Variants in KCNH5 observed in about 807,000 individuals in gnomAD.
KCNH5 encodes the protein voltage-gated delayed rectifier potassium channel KCNH5.
In KCNH5, 46 loss-of-function variants were observed where a neutral mutation model predicts 96.1. That is an observed-to-expected ratio of 0.48 (90% CI 0.38 to 0.61). The LOEUF is 0.61. KCNH5 is among the 20% of genes least tolerant of loss of function. The pLI is 0.00. For missense variants in KCNH5, 907 were observed against 1,225.8 expected, an observed-to-expected ratio of 0.74 and a Z score of 3.88; for synonymous variants, 439 against 449.8, an observed-to-expected ratio of 0.98 and a Z score of 0.30.
chr14:62,865,721 C>T (rs756475463), intron 7 of KCNH5, among the ~76,000 whole-genome samples: 6 of 152,054 alleles, frequency 3.9e-5, no homozygotes, highest in Non-Finnish European at 7.4e-5. Flanking sequence ...TTTTGACTGC[C>T]CTACATAAAG....
chr14:62,831,128 T>C lies in KCNH5; in HGVS notation c.1569+18525A>G, dbSNP rs1887339549. Among the ~76,000 whole-genome samples the C allele has an allele frequency of 2.0e-5, 3 of 152,312 alleles. No homozygotes were observed. The South Asian group carries it at 6.2e-4, about 32-fold the overall frequency. ...CCATTTAGGACAGGATTCTTTTTTC[T>C]GCTAGTGAACCCTGGTGGCTATTTG... On this transcript the variant is annotated intron_variant, in intron 8 of 10. Transcript: ENST00000322893.
At chr14:62,768,828 T>TG (rs1885921760) in intron 10 of KCNH5, among the ~76,000 whole-genome samples, 1 of 152,210 alleles carries the variant, frequency 6.6e-6, no homozygotes, top group African/African-American at 2.4e-5. Context: ...TTGAAACTTG[T>TG]GAAACTGTCC....
chr14:63,003,856 G>A (rs943748017), intron 3 of KCNH5, among the ~76,000 whole-genome samples: 7 of 151,248 alleles, frequency 4.6e-5, no homozygotes, highest in Admixed American at 2.0e-4. Flanking sequence ...TCCTGACCTC[G>A]TGATCCGCCC....
At chr14:63,026,978 G>A (rs1264159807) in intron 1 of KCNH5, among the ~76,000 whole-genome samples, 1 of 151,954 alleles carries the variant, frequency 6.6e-6, no homozygotes, top group East Asian at 1.9e-4. Flanking sequence ...GATGAATAAC[G>A]AAAATGTGGT....
chr14:62,863,639 G>C (rs1242083761), intron 7 of KCNH5, among the ~76,000 whole-genome samples: 1 of 152,086 alleles, frequency 6.6e-6, no homozygotes, highest in East Asian at 1.9e-4. Flanking sequence ...TCATTTCTTA[G>C]AGACTATACT....
chr14:62,979,550 TATA>T (rs917912808), intron 6 of KCNH5, among the ~76,000 whole-genome samples: 1 of 152,032 alleles, frequency 6.6e-6, no homozygotes, highest in African/African-American at 2.4e-5. Flanking sequence ...TACAATGTAT[TATA>T]ATAATAATAA....
At chr14:62,983,849 G>A (rs1281269906) in intron 5 of KCNH5, among the ~76,000 whole-genome samples, 1 of 152,076 alleles carries the variant, frequency 6.6e-6, no homozygotes, top group African/African-American at 2.4e-5. Context: ...TAAGATATCT[G>A]TCTTACATTT....
chr14:62,985,839 G>T (rs1247543672), intron 5 of KCNH5, among the ~76,000 whole-genome samples: 2 of 152,014 alleles, frequency 1.3e-5, no homozygotes, highest in African/African-American at 4.8e-5. Context: ...GCTTCCTATG[G>T]GGCTCTTCAA....
At chr14:62,708,493 A>T in intron 10 of KCNH5, 38 bp from the exon 11 acceptor site, 1 of 1,322,246 alleles carries the variant, frequency 7.6e-7, no homozygotes, top group Non-Finnish European at 1.0e-6. Flanking sequence ...CTGATTATAA[A>T]AGCAGATGGA....
chr14:62,790,287 C>T (rs183042261), intron 9 of KCNH5, among the ~76,000 whole-genome samples: 8 of 151,752 alleles, frequency 5.3e-5, no homozygotes, highest in East Asian at 1.9e-4. Context: ...AGTACCATAC[C>T]GTTTTAATTA....
intron 9 of KCNH5, among the ~76,000 whole-genome samples, chr14:62,793,770 C>T (rs571287514): frequency 1.3e-5 from 2 of 151,666 alleles, no homozygotes; most frequent in South Asian, 4.2e-4. Flanking sequence ...AGAAATCTGG[C>T]TCTCAAGAAG....
chr14:62,743,653 C>T (rs1164450388), intron 10 of KCNH5, among the ~76,000 whole-genome samples: 1 of 152,112 alleles, frequency 6.6e-6, no homozygotes, highest in African/African-American at 2.4e-5. Context: ...AACATAAACT[C>T]TCTTTTATAT....
chr14:62,854,918 C>G (rs1265187877), intron 7 of KCNH5, among the ~76,000 whole-genome samples: 1 of 149,242 alleles, frequency 6.7e-6, no homozygotes, highest in Non-Finnish European at 1.5e-5. Context: ...GAGAACTCTT[C>G]CATTGAGAGG....
intron 10 of KCNH5, among the ~76,000 whole-genome samples, chr14:62,729,631 T>G (rs2139922702): frequency 6.6e-6 from 1 of 152,214 alleles, no homozygotes; most frequent in East Asian, 1.9e-4. Flanking sequence ...AGCCATAGAG[T>G]CAATCTCTAT....
At chr14:63,027,044 T>A (rs1254162525) in intron 1 of KCNH5, among the ~76,000 whole-genome samples, 4 of 152,100 alleles carry the variant, frequency 2.6e-5, no homozygotes, top group African/African-American at 4.8e-5. Flanking sequence ...CATTGTCATT[T>A]GTGACAACAT....
chr14:62,716,117 C>T (rs1411568338), intron 10 of KCNH5, among the ~76,000 whole-genome samples: 6 of 152,028 alleles, frequency 3.9e-5, no homozygotes, highest in Non-Finnish European at 8.8e-5. Context: ...TCAATGCTAG[C>T]CTAACTTTGA....
chr14:62,962,087 T>A (rs575523551), intron 6 of KCNH5, among the ~76,000 whole-genome samples: 1 of 151,764 alleles, frequency 6.6e-6, no homozygotes, highest in Non-Finnish European at 1.5e-5. Flanking sequence ...GAGATGGAGA[T>A]GGATGTGCAG....
chr14:63,025,642 G>C (rs1320065604), intron 1 of KCNH5, among the ~76,000 whole-genome samples: 2 of 149,922 alleles, frequency 1.3e-5, no homozygotes, highest in Non-Finnish European at 3.0e-5. Flanking sequence ...CAGTACTTAG[G>C]AATAAATTTA....
intron 8 of KCNH5, among the ~76,000 whole-genome samples, chr14:62,829,603 G>A (rs775874288): frequency 1.1e-4 from 16 of 152,158 alleles, no homozygotes; most frequent in Non-Finnish European, 2.1e-4. Flanking sequence ...GAGTATCTGG[G>A]ATGCAGGGCA....
Sources: gnomAD v4.1 joint callset for allele counts (sites outside exome capture counted in the v4.1 genomes callset) on GRCh38, gnomAD v4.1.1 for gene constraint, MANE v1.5 for transcripts, NCBI Gene and HGNC (gene_info 2026-07-23, HGNC 2026-07-21) for gene names.